ADAMTS17: variants seen among roughly 807,000 people sequenced by gnomAD.
ADAMTS17 encodes ADAM metallopeptidase with thrombospondin type 1 motif 17.
ADAMTS17 carries 113 observed loss-of-function variants against 141.5 expected under a neutral mutation model. The observed-to-expected ratio is 0.80, with a 90% CI of 0.69 to 0.93. The LOEUF is 0.93. Among genes scored for constraint, ADAMTS17 ranks in the 40% least tolerant of loss-of-function variants. ADAMTS17 has a pLI of 0.00. For synonymous variants in ADAMTS17, 768 were observed against 630.6 expected (o/e 1.22, Z -3.27); for missense variants, 1,659 against 1,517.9 (o/e 1.09, Z -1.54).
At chr15:99,987,670 CTAAT>C (rs1330940743) in intron 20 of ADAMTS17, among the ~76,000 whole-genome samples, 3 of 152,220 alleles carry the variant, frequency 2.0e-5, no homozygotes, top group African/African-American at 7.2e-5. Context: ...CCCATGGAAT[CTAAT>C]TAGAGAGGTC....
At chr15:100,232,881 C>T (rs2141855017) in intron 7 of ADAMTS17, among the ~76,000 whole-genome samples, 1 of 152,310 alleles carries the variant, frequency 6.6e-6, no homozygotes, top group South Asian at 2.1e-4. Flanking sequence ...AGGCAGAGGC[C>T]ATCTCACACT....
At chr15:100,020,540 C>T (rs967326151) in intron 18 of ADAMTS17, among the ~76,000 whole-genome samples, 2 of 152,316 alleles carry the variant, frequency 1.3e-5, no homozygotes, top group African/African-American at 4.8e-5. Context: ...CCCTGACTCC[C>T]CCAGAGCCAT....
intron 20 of ADAMTS17, among the ~76,000 whole-genome samples, chr15:99,988,907 C>A (rs561704752): frequency 2.6e-5 from 4 of 152,276 alleles, no homozygotes; most frequent in African/African-American, 9.6e-5. Flanking sequence ...ACATGTTATT[C>A]CCATTCATGT....
At chr15:100,320,354 G>A (rs1017552829) in intron 3 of ADAMTS17, among the ~76,000 whole-genome samples, 5 of 152,276 alleles carry the variant, frequency 3.3e-5, no homozygotes, top group East Asian at 3.9e-4. Context: ...GGAAGTCCAC[G>A]GGAAATGCTG....
At chr15:100,000,403 A>T (rs1240473306) in intron 18 of ADAMTS17, among the ~76,000 whole-genome samples, 1 of 152,194 alleles carries the variant, frequency 6.6e-6, no homozygotes, top group Non-Finnish European at 1.5e-5. Context: ...TTTTCTACTC[A>T]GTCACGACTT....
At chr15:100,074,285 C>T (rs2034209079) in intron 15 of ADAMTS17, 1 of 152,114 alleles carries the variant, frequency 6.6e-6, no homozygotes, top group Non-Finnish European at 1.5e-5. Context: ...TTTATTACAA[C>T]AAGAATGCTT....
chr15:99,974,225 G>A lies in ADAMTS17; in HGVS notation c.*177C>T. 1 of 742,306 alleles carries A rather than the reference G, an allele frequency of 1.3e-6. No homozygotes were observed. The highest frequency in any genetic ancestry group is 2.2e-6 in the Non-Finnish European group (1 of 449,462). 46.0% of individuals were successfully genotyped at this position (742,306 alleles called of 1,614,324 possible). ...CACTGTAGAAAGCCAGCCAGTGGCTGTTAACAATATATTAAGTACGGAAGC... is the reference window on the plus strand; with the variant it reads ...CACTGTAGAAAGCCAGCCAGTGGCTATTAACAATATATTAAGTACGGAAGC... On this transcript the variant is annotated 3_prime_UTR_variant, in exon 22 of 22. Coordinates refer to ENST00000268070, the MANE Select transcript of ADAMTS17 (RefSeq NM_139057.4).
rs547940953 is a variant in ADAMTS17 at position 100,213,634 on chromosome 15, T to C, written c.1076-14211A>G. Among the ~76,000 whole-genome samples, 4 of 152,366 alleles carry C rather than the reference T, an allele frequency of 2.6e-5. No homozygotes were observed. The South Asian group carries it at 8.3e-4, about 32-fold the overall frequency. On this transcript the variant is annotated intron_variant, in intron 7 of 21. Coordinates refer to ENST00000268070, the MANE Select transcript of ADAMTS17 (RefSeq NM_139057.4). ...TGAAGACAAGGCAGGAGAATCATTT[T>C]AAAATGGGATCCAAGACCTGAGACG... is the stretch of plus-strand genomic sequence containing the variant.
At chr15:99,998,647 A>T (rs2141351408) in intron 18 of ADAMTS17, among the ~76,000 whole-genome samples, 1 of 152,302 alleles carries the variant, frequency 6.6e-6, no homozygotes, top group African/African-American at 2.4e-5. Context: ...TCCCTGCCTG[A>T]TAGCCTGATG....
chr15:100,000,319 C>G (rs1333028604), intron 18 of ADAMTS17, among the ~76,000 whole-genome samples: 1 of 152,148 alleles, frequency 6.6e-6, no homozygotes, highest in Admixed American at 6.5e-5. Flanking sequence ...GAAGACAGTT[C>G]TTTTGTTCCC....
chr15:100,215,131 G>C (rs558637449), intron 7 of ADAMTS17, among the ~76,000 whole-genome samples: 64 of 152,346 alleles, frequency 4.2e-4, no homozygotes, highest in African/African-American at 1.3e-3. Flanking sequence ...TCCGGCTACA[G>C]CCAGAGGCAG....
In ADAMTS17 at chr15:99,976,045, C is replaced by T. The variant is rs993859963; in HGVS notation, c.3127G>A (p.Ala1043Thr). Residue 1043 changes from alanine (A) to threonine (T), a missense_variant and splice_region_variant, in exon 21 of 22, where the codon GCT (alanine) becomes ACT (threonine). Transcript: ENST00000268070. Reference protein sequence around the residue: ...NANTITSPRLAALTYKCTRDQ... With the variant: ...NANTITSPRLTALTYKCTRDQ... ...AACCGGGGCCAGTGAAGACACTCAC[C>T]AAGGCGGGGGGAGGTGATGGTGTTG... The T allele has an allele frequency of 1.3e-6, 2 of 1,549,796 alleles. No individual in the cohort carries two copies. The highest frequency in any genetic ancestry group is 1.7e-6 in the Non-Finnish European group (2 of 1,145,834).
intron 18 of ADAMTS17, among the ~76,000 whole-genome samples, chr15:100,027,886 C>T (rs1369652): frequency 0.13 from 19,577 of 152,090 alleles, 3,461 homozygotes; most frequent in African/African-American, 0.4. Flanking sequence ...AAGGAGTGGG[C>T]TGGGGAGTAG....
chr15:100,108,533 C>T lies in ADAMTS17; in HGVS notation c.2016+456G>A, dbSNP rs192633538. 2.2e-3 allele frequency among the ~76,000 whole-genome samples: 332 copies of T among 152,284 alleles called. 1 individual carries two copies. The highest frequency in any genetic ancestry group is 6.8e-3 in the Middle Eastern group (2 of 294). Reference sequence around the variant, plus strand: ...TCTAACCAGTCATGGCCATCCAGCCCTCAATGCCTTTGGGACTATATACCA... The same window carrying T: ...TCTAACCAGTCATGGCCATCCAGCCTTCAATGCCTTTGGGACTATATACCA... On this transcript the variant is annotated intron_variant, in intron 14 of 21. Coordinates refer to ENST00000268070, the MANE Select transcript of ADAMTS17 (RefSeq NM_139057.4).
intron 15 of ADAMTS17, among the ~76,000 whole-genome samples, chr15:100,086,234 T>C (rs1169705505): frequency 1.3e-5 from 2 of 151,806 alleles, no homozygotes; most frequent in East Asian, 1.9e-4. Flanking sequence ...CCAACAAAGA[T>C]TAAAAGAGAC....
chr15:100,084,139 C>T (rs1175026730), intron 15 of ADAMTS17, among the ~76,000 whole-genome samples: 1 of 152,142 alleles, frequency 6.6e-6, no homozygotes, highest in East Asian at 1.9e-4. Context: ...GGGTCACTCC[C>T]ACCCTAATAC....
intron 8 of ADAMTS17, among the ~76,000 whole-genome samples, chr15:100,195,080 T>C (rs909132517): frequency 1.3e-5 from 2 of 152,388 alleles, no homozygotes; most frequent in South Asian, 2.1e-4. Flanking sequence ...AGGTAGCACA[T>C]GGCTGCCCAT....
intron 12 of ADAMTS17, among the ~76,000 whole-genome samples, chr15:100,118,406 A>AT (rs1165711068): frequency 2.0e-5 from 3 of 152,242 alleles, no homozygotes; most frequent in Non-Finnish European, 4.4e-5. Context: ...ACTAGAAAAC[A>AT]GTTCCCTCCC....
At position 99,997,863 on chromosome 15, in the gene ADAMTS17, G is replaced by A. The variant is rs1368449496; in HGVS notation, c.2592-274C>T. 6.6e-6 allele frequency among the ~76,000 whole-genome samples: 1 copy of A among 152,170 alleles called. No individual in the cohort carries two copies. The highest frequency in any genetic ancestry group is 1.9e-4 in the East Asian group (1 of 5,196). On this transcript the variant is annotated intron_variant, in intron 18 of 21. Transcript: ENST00000268070. This position sits in a 1 kb window ranked among gnomAD's most constrained non-coding sequence, Gnocchi z 4.7. ...AGAATTATCTGGTCACGGCCTCCCTGTAGGGAATTACGTATCTGCTTGTCG... is the reference window on the plus strand; with the variant it reads ...AGAATTATCTGGTCACGGCCTCCCTATAGGGAATTACGTATCTGCTTGTCG...
Sources: allele counts gnomAD v4.1 joint callset (sites outside exome capture counted in the v4.1 genomes callset), GRCh38; gene constraint gnomAD v4.1.1; non-coding constraint Gnocchi (gnomAD v3.1); transcripts MANE v1.5; gene names NCBI Gene and HGNC (gene_info 2026-07-23, HGNC 2026-07-21).